MPHOSPH9: variants seen among roughly 807,000 people sequenced by gnomAD.
MPHOSPH9 encodes M-phase phosphoprotein 9.
Under a neutral mutation model 145.5 loss-of-function variants are expected in MPHOSPH9, and 88 were observed. The ratio of observed to expected loss-of-function variants is 0.60; its 90% CI spans 0.51 to 0.72. The LOEUF is 0.72. Ranked by LOEUF, MPHOSPH9 falls within the 30% of genes least tolerant of loss-of-function variation. The probability of loss-of-function intolerance (pLI) is 0.00; values close to 1 mark genes in which losing one functional copy is unlikely to be tolerated. For synonymous variants in MPHOSPH9, 435 were observed against 486.2 expected (o/e 0.89, Z 1.39); for missense variants, 1,238 against 1,386.6 (o/e 0.89, Z 1.70).
At chr12:123,177,605 A>C (rs2044938527) in intron 15 of MPHOSPH9, among the ~76,000 whole-genome samples, 1 of 152,174 alleles carries the variant, frequency 6.6e-6, no homozygotes, top group Non-Finnish European at 1.5e-5. Flanking sequence ...AATACATTAA[A>C]ACTCTACAAA....
At chr12:123,194,629 T>TTC (rs1478788063) in intron 12 of MPHOSPH9, 28 bp from the exon 13 acceptor site, 1 of 1,504,500 alleles carries the variant, frequency 6.6e-7, no homozygotes, top group East Asian at 2.3e-5. Flanking sequence ...ACATAATTTT[T>TTC]TTTTTTTTTT....
At chr12:123,169,833 G>A (rs113842662) in intron 16 of MPHOSPH9, among the ~76,000 whole-genome samples, 3,411 of 151,782 alleles carry the variant, frequency 0.022, 81 homozygotes, top group South Asian at 0.1. Flanking sequence ...TAAGTGATCT[G>A]CCCACCTTGG....
At chr12:123,226,394 G>A (rs1030553941) in intron 3 of MPHOSPH9, 12 of 906,522 alleles carry the variant, frequency 1.3e-5, no homozygotes, top group African/African-American at 5.3e-5. Flanking sequence ...TACAATTAAC[G>A]TTTAAAACAA....
intron 17 of MPHOSPH9, chr12:123,166,410 G>T: frequency 2.1e-6 from 1 of 483,532 alleles, no homozygotes; most frequent in South Asian, 2.4e-5. Context: ...CTGGCCTGAG[G>T]ATCGACATCC....
intron 3 of MPHOSPH9, among the ~76,000 whole-genome samples, chr12:123,225,542 G>A (rs1306034348): frequency 1.4e-5 from 2 of 139,058 alleles, no homozygotes; most frequent in East Asian, 4.6e-4. Context: ...GGGAGGGAGG[G>A]AGGGGGTGGG....
rs760305937 is a variant in MPHOSPH9, at chr12:123,202,883, T to G, written c.1522A>C (p.Lys508Gln). 8.1e-6 allele frequency: 13 copies of G among 1,614,196 alleles called. No homozygotes were observed. The highest frequency in any genetic ancestry group is 1.3e-5 in the African/African-American group (1 of 75,056). ...NVTSQLPGFPKYPSHTKASPV... is the reference protein window; with the variant it reads ...NVTSQLPGFPQYPSHTKASPV... Reference sequence around the variant, plus strand: ...GAAGCTTTTGTGTGTGAGGGATATTTTGGAAATCCAGGTAACTGAGAAGTG... The same window carrying G: ...GAAGCTTTTGTGTGTGAGGGATATTGTGGAAATCCAGGTAACTGAGAAGTG... The change falls in exon 10 of 24, where the codon AAA becomes CAA. Residue 508 changes from lysine to glutamine, a missense_variant. Lys to Gln is a moderately conservative substitution (Grantham distance 53). Around this residue, in one of 3 missense-constraint regions of MPHOSPH9, gnomAD observed 837 missense variants for 897.5 expected, o/e 0.93. Transcript: ENST00000606320.
Position 123,161,226 on chromosome 12 carries a change from T to C in MPHOSPH9, c.3291A>G (p.Pro1097=), listed in dbSNP as rs1209354278. The C allele has an allele frequency of 6.2e-7, 1 of 1,614,084 alleles. No individual in the cohort carries two copies. Among genetic ancestry groups the C allele is most frequent in the African/African-American group, 1.3e-5 (1 of 74,940 alleles). Residue 1097 remains proline (P), a synonymous_variant, in exon 22 of 24, where the codon CCA becomes CCG. Coordinates refer to ENST00000606320, the MANE Select transcript of MPHOSPH9 (RefSeq NM_022782.4). ...CTGTATATTCAAAATCATTCCCCTG[T>C]GGAGTGACTGAAACCGGCTTACACT... ...YEQCKPVSVT[P]QGNDFEYTAK...
intron 13 of MPHOSPH9, among the ~76,000 whole-genome samples, chr12:123,183,519 G>A (rs867930011): frequency 8.5e-6 from 1 of 117,584 alleles, no homozygotes; most frequent in African/African-American, 3.1e-5. Context: ...CTGCACCCCA[G>A]CCAAGGTGAC....
intron 16 of MPHOSPH9, among the ~76,000 whole-genome samples, chr12:123,169,423 C>T (rs2044477105): frequency 6.6e-6 from 1 of 151,130 alleles, no homozygotes; most frequent in African/African-American, 2.4e-5. Flanking sequence ...GGCATAAGCC[C>T]AGGAGGCGGA....
At chr12:123,226,789 C>A (rs1251742566) in intron 3 of MPHOSPH9, among the ~76,000 whole-genome samples, 1 of 152,056 alleles carries the variant, frequency 6.6e-6, no homozygotes, top group South Asian at 2.1e-4. Context: ...GCCACCATGA[C>A]CAGCTAATTT....
chr12:123,212,165 TA>T (rs928387135), intron 7 of MPHOSPH9, among the ~76,000 whole-genome samples: 1 of 151,812 alleles, frequency 6.6e-6, no homozygotes, highest in Non-Finnish European at 1.5e-5. Flanking sequence ...TAAAATAGGA[TA>T]AAGGGGATAT....
Position 123,214,780 on chromosome 12 carries a change from C to T in MPHOSPH9, c.1051G>A (p.Glu351Lys). The change falls in exon 7 of 24, where the codon GAA (glutamate) becomes AAA (lysine). Residue 351 changes from glutamate (E) to lysine (K), a missense_variant. Transcript: ENST00000606320. ...PRAFYLSKPD[E>K]TPNAWMSDSG... ...TCAGACATCCAAGCATTTGGAGTTTCATCTGGTTTACTGAGGTAAAAAGCA... is the reference window on the plus strand; with the variant it reads ...TCAGACATCCAAGCATTTGGAGTTTTATCTGGTTTACTGAGGTAAAAAGCA... 1 of 1,613,596 alleles carries T rather than the reference C, an allele frequency of 6.2e-7. No homozygotes were observed. The highest frequency in any genetic ancestry group is 8.5e-7 in the Non-Finnish European group (1 of 1,179,604).
At chr12:123,193,817 GAC>G (rs34339938) in intron 13 of MPHOSPH9, among the ~76,000 whole-genome samples, 96,194 of 150,014 alleles carry the variant, frequency 0.64, 35,271 homozygotes, top group East Asian at 0.99. Context: ...ACCTGATGCA[GAC>G]ACAGTTTTTT....
intron 16 of MPHOSPH9, among the ~76,000 whole-genome samples, chr12:123,168,433 C>T (rs1223888802): frequency 1.3e-5 from 2 of 151,472 alleles, no homozygotes; most frequent in Admixed American, 6.6e-5. Context: ...GCTCCGCCTC[C>T]CAGGTTCAAG....
In MPHOSPH9 at chr12:123,154,850, A is replaced by G. The variant is rs1437630587; in HGVS notation, c.*1957T>C. ...TTTTTTTTCTAAAGGCTAGAAAACC[A>G]AGAATAAAGAATACCAAGAATAGGC... On this transcript the variant is annotated 3_prime_UTR_variant, in exon 24 of 24. Coordinates refer to ENST00000606320, the MANE Select transcript of MPHOSPH9 (RefSeq NM_022782.4). The G allele has an allele frequency of 6.6e-6, 1 of 152,086 alleles. No individual in the cohort carries two copies. Among genetic ancestry groups the G allele is most frequent in the African/African-American group, 2.4e-5 (1 of 41,414 alleles). The allele number at this position is 152,086 out of a possible 1,614,324, so 9.4% of individuals were successfully genotyped here. A position where few individuals can be genotyped will look rare whatever the true frequency, so the allele number is the denominator to read the frequency against.
At chr12:123,222,662 A>T (rs2047255104) in intron 4 of MPHOSPH9, among the ~76,000 whole-genome samples, 1 of 151,830 alleles carries the variant, frequency 6.6e-6, no homozygotes, top group African/African-American at 2.4e-5. Flanking sequence ...TCAAAAAAAA[A>T]TAAATGAAAA....
Position 123,155,564 on chromosome 12 carries a change from A to G in MPHOSPH9, c.*1243T>C, listed in dbSNP as rs1449873772. 6.6e-6 allele frequency: 1 copy of G among 152,264 alleles called. No homozygotes were observed. Among genetic ancestry groups the G allele is most frequent in the African/African-American group, 2.4e-5 (1 of 41,472 alleles). 9.4% of individuals were successfully genotyped at this position (152,264 alleles called of 1,614,324 possible). ...ATGTTTAGTACGAATCCATTTTGAAAGTTTGGATGAGTCTGTTTATCAACA... is the reference window on the plus strand; with the variant it reads ...ATGTTTAGTACGAATCCATTTTGAAGGTTTGGATGAGTCTGTTTATCAACA... On this transcript the variant is annotated 3_prime_UTR_variant, in exon 24 of 24. Transcript: ENST00000606320.
chr12:123,224,491 G>T (rs533359037), intron 3 of MPHOSPH9, among the ~76,000 whole-genome samples: 1 of 151,608 alleles, frequency 6.6e-6, no homozygotes, highest in African/African-American at 2.4e-5. Flanking sequence ...GGCTGTTCTC[G>T]AACTCCTGAC....
rs1175328319 is a variant in MPHOSPH9 at position 123,194,513 on chromosome 12, T to G, written c.2114A>C (p.Glu705Ala). ...TAGTCGAATGATGGTATTGTCTTTT[T>G]CTTTACTGCTTGTTCTCATTTCTTC... ...RIEEMRTSSK[E>A]KDNTIIRLKS... The change falls in exon 13 of 24, where the codon GAA (glutamate) becomes GCA (alanine). Residue 705 changes from glutamate (E) to alanine (A), a missense_variant. Glu to Ala is a moderately radical substitution (Grantham distance 107). Coordinates refer to ENST00000606320, the MANE Select transcript of MPHOSPH9 (RefSeq NM_022782.4). 1 of 1,613,380 alleles carries G rather than the reference T, an allele frequency of 6.2e-7. No homozygotes were observed. Among genetic ancestry groups the G allele is most frequent in the South Asian group, 1.1e-5 (1 of 90,860 alleles).
Sources: gnomAD v4.1 joint callset for allele counts (sites outside exome capture counted in the v4.1 genomes callset) on GRCh38, gnomAD v4.1.1 for gene constraint, gnomAD v4.1.1 regional missense constraint, MANE v1.5 for transcripts, NCBI Gene and HGNC (gene_info 2026-07-23, HGNC 2026-07-21) for gene names.